Variants in TNRC6A observed in about 807,000 individuals in gnomAD.
TNRC6A encodes trinucleotide repeat containing adaptor 6A.
In TNRC6A, 44 loss-of-function variants were observed where a neutral mutation model predicts 221.2. The ratio of observed to expected loss-of-function variants is 0.20; its 90% CI spans 0.16 to 0.26. TNRC6A has a LOEUF of 0.26. Among genes scored for constraint, TNRC6A ranks in the 10% least tolerant of loss-of-function variants. The probability of loss-of-function intolerance (pLI) is 1.00; values close to 1 mark genes in which losing one functional copy is unlikely to be tolerated. For synonymous variants in TNRC6A, 847 were observed against 838.5 expected (o/e 1.01, Z -0.18); for missense variants, 2,199 against 2,404.4 (o/e 0.91, Z 1.79).
At chr16:24,815,669 C>T (rs545526945) in intron 19 of TNRC6A, 57 of 261,854 alleles carry the variant, frequency 2.2e-4, no homozygotes, top group African/African-American at 1.2e-3. Context: ...TGCTGGCTAA[C>T]ACGGTGAAAC....
chr16:24,648,511 T>C (rs373207441), intron 2 of TNRC6A, among the ~76,000 whole-genome samples: 312 of 152,002 alleles, frequency 2.1e-3, no homozygotes, highest in East Asian at 4.7e-3. Context: ...ACCTCATGAT[T>C]CACCCGCCTT....
intron 1 of TNRC6A, among the ~76,000 whole-genome samples, chr16:24,637,750 G>C (rs1901711375): frequency 6.6e-6 from 1 of 152,086 alleles, no homozygotes; most frequent in Non-Finnish European, 1.5e-5. Flanking sequence ...AAGGCACGTA[G>C]AGTACATTCC....
At chr16:24,737,374 C>A (rs1002417776) in intron 2 of TNRC6A, among the ~76,000 whole-genome samples, 2 of 152,072 alleles carry the variant, frequency 1.3e-5, no homozygotes, top group Non-Finnish European at 2.9e-5. Context: ...AAAAAAGCCA[C>A]CCATGAAAAT....
intron 2 of TNRC6A, among the ~76,000 whole-genome samples, chr16:24,710,879 ATTT>A (rs545753446): frequency 7.2e-6 from 1 of 139,526 alleles, no homozygotes. Flanking sequence ...TGCCCGGCTA[ATTT>A]TTTTTTTTTT....
In TNRC6A at chr16:24,815,137, C is replaced by T. The variant is rs974715818; in HGVS notation, c.4673-10C>T. 2 of 1,607,812 alleles carry T rather than the reference C, an allele frequency of 1.2e-6. No homozygotes were observed. Among genetic ancestry groups the T allele is most frequent in the African/African-American group, 2.7e-5 (2 of 74,708 alleles). ...TTGCTCACATTTCTCTATTATTCTTCCCTTGTTAGGTGCTATTTCAAGTGG... is the reference window on the plus strand; with the variant it reads ...TTGCTCACATTTCTCTATTATTCTTTCCTTGTTAGGTGCTATTTCAAGTGG... On this transcript the variant is annotated splice_polypyrimidine_tract_variant and intron_variant, in intron 18 of 24. Transcript: ENST00000395799.
chr16:24,615,478 A>G (rs1436068604), intron 1 of TNRC6A, among the ~76,000 whole-genome samples: 3 of 152,228 alleles, frequency 2.0e-5, no homozygotes, highest in Non-Finnish European at 4.4e-5. Context: ...AAGTGAGACT[A>G]GAACTCCAGG....
Position 24,822,829 on chromosome 16 carries a change from C to A in TNRC6A, c.5374-45C>A, listed in dbSNP as rs775231589. The A allele has an allele frequency of 2.6e-5, 42 of 1,610,280 alleles. No homozygotes were observed. The Admixed American group carries it at 5.2e-4, about 20-fold the overall frequency. On this transcript the variant is annotated intron_variant, in intron 23 of 24. Coordinates refer to ENST00000395799, the MANE Select transcript of TNRC6A (RefSeq NM_014494.4). ...CAGCCTGAAACAGCCTCCTGGAGGG[C>A]CCGCGGTGACGCCTCTCACTGGCAG...
chr16:24,695,914 C>T (rs1194648881), intron 2 of TNRC6A, among the ~76,000 whole-genome samples: 1 of 152,020 alleles, frequency 6.6e-6, no homozygotes, highest in African/African-American at 2.4e-5. Context: ...GACTCAACCC[C>T]CTTGAGCTTG....
chr16:24,733,754 C>T (rs904157860), intron 2 of TNRC6A, among the ~76,000 whole-genome samples: 1 of 152,180 alleles, frequency 6.6e-6, no homozygotes, highest in Non-Finnish European at 1.5e-5. Flanking sequence ...CTATTGCATG[C>T]TTTTTGTTGC....
intron 2 of TNRC6A, among the ~76,000 whole-genome samples, chr16:24,712,907 C>CTGTGTGTGTGTG (rs61198955): frequency 2.8e-4 from 35 of 126,762 alleles, no homozygotes; most frequent in Middle Eastern, 3.8e-3. Context: ...TTATGTGCCA[C>CTGTGTGTGTGTG]TGTGTGTGTG....
At chr16:24,634,736 G>C (rs1255529436) in intron 1 of TNRC6A, among the ~76,000 whole-genome samples, 1 of 152,188 alleles carries the variant, frequency 6.6e-6, no homozygotes, top group Non-Finnish European at 1.5e-5. Flanking sequence ...ATTACAACAA[G>C]GGATCCAGAA....
chr16:24,651,696 C>CCA (rs1236697752), intron 2 of TNRC6A, among the ~76,000 whole-genome samples: 1 of 150,436 alleles, frequency 6.6e-6, no homozygotes, highest in East Asian at 1.9e-4. Context: ...CCCCCTCCCC[C>CCA]CGCCATCTTA....
rs765009206 is a variant in TNRC6A at position 24,776,936 on chromosome 16, C to T, written c.167C>T (p.Pro56Leu). 20 of 1,611,816 alleles carry T rather than the reference C, an allele frequency of 1.2e-5. No individual in the cohort carries two copies. Among genetic ancestry groups the T allele is most frequent in the Non-Finnish European group, 1.6e-5 (19 of 1,178,338 alleles). The change falls in exon 5 of 25, where the codon CCA becomes CTA. Residue 56 changes from proline (P) to leucine (L), a missense_variant. Around this residue, in one of 8 missense-constraint regions of TNRC6A, gnomAD observed 1,405 missense variants for 1,400.2 expected, o/e 1.00. Coordinates refer to ENST00000395799, the MANE Select transcript of TNRC6A (RefSeq NM_014494.4). Reference protein sequence around the residue: ...KKATEQKIKVPEQIKPSVSQP... With the variant: ...KKATEQKIKVLEQIKPSVSQP... ...CCTTTTCTTTTGTTGGGATTAGTGC[C>T]AGAACAGATAAAGCCCAGTGTAAGC...
At chr16:24,670,350 G>A (rs866360778) in intron 2 of TNRC6A, among the ~76,000 whole-genome samples, 3 of 152,068 alleles carry the variant, frequency 2.0e-5, no homozygotes, top group Non-Finnish European at 4.4e-5. Flanking sequence ...GCAGAGCTGG[G>A]AGTCTAAGGT....
At chr16:24,658,017 T>C (rs2141891330) in intron 2 of TNRC6A, among the ~76,000 whole-genome samples, 1 of 152,324 alleles carries the variant, frequency 6.6e-6, no homozygotes, top group South Asian at 2.1e-4. Flanking sequence ...TTTTCAGGTT[T>C]TGATGTGGCT....
chr16:24,662,140 A>G (rs1357452643), intron 2 of TNRC6A: 4 of 152,184 alleles, frequency 2.6e-5, no homozygotes, highest in Non-Finnish European at 5.9e-5. Context: ...AATTCCATGT[A>G]TAGAAATTTA....
chr16:24,792,483 G>A (rs1393681049), intron 6 of TNRC6A, among the ~76,000 whole-genome samples: 1 of 151,382 alleles, frequency 6.6e-6, no homozygotes, highest in African/African-American at 2.4e-5. Flanking sequence ...TAACTTTTTG[G>A]CACTGAATTT....
intron 2 of TNRC6A, among the ~76,000 whole-genome samples, chr16:24,649,275 TTC>T (rs1902488500): frequency 1.3e-5 from 2 of 152,092 alleles, no homozygotes; most frequent in South Asian, 4.2e-4. Flanking sequence ...CCTCACATAC[TTC>T]TTTTTGTTTT....
At chr16:24,806,525 A>T in intron 16 of TNRC6A, 49 bp from the exon 17 acceptor site, 1 of 1,601,088 alleles carries the variant, frequency 6.2e-7, no homozygotes, top group Non-Finnish European at 8.6e-7. Flanking sequence ...AGTTTTCTGT[A>T]AAGACGTTTT....
Sources: allele counts gnomAD v4.1 joint callset (sites outside exome capture counted in the v4.1 genomes callset), GRCh38; gene constraint gnomAD v4.1.1; regional missense constraint gnomAD v4.1.1; transcripts MANE v1.5; gene names NCBI Gene and HGNC (gene_info 2026-07-23, HGNC 2026-07-21).